The following EGLN1 variants were observed in gnomAD, a reference collection of about 807,000 sequenced individuals.
The protein encoded by EGLN1 is egl nine homolog 1.
Under a neutral mutation model 38.3 loss-of-function variants are expected in EGLN1, and 17 were observed. That is an observed-to-expected ratio of 0.44 (90% CI 0.30 to 0.67). The LOEUF is 0.67. EGLN1 is among the 30% of genes least tolerant of loss of function. The probability of loss-of-function intolerance (pLI) is 0.08; values close to 1 mark genes in which losing one functional copy is unlikely to be tolerated. For missense variants in EGLN1, 477 were observed against 603.3 expected, an observed-to-expected ratio of 0.79 and a Z score of 2.19; for synonymous variants, 283 against 257.5, an observed-to-expected ratio of 1.10 and a Z score of -0.95.
intron 1 of EGLN1, among the ~76,000 whole-genome samples, chr1:231,402,695 A>G (rs928613908): frequency 1.3e-5 from 2 of 152,074 alleles, no homozygotes; most frequent in Admixed American, 1.3e-4. Context: ...TCGGCCTCCC[A>G]AAGTTCTGGG....
intron 1 of EGLN1, among the ~76,000 whole-genome samples, chr1:231,401,591 T>C (rs951169509): frequency 2.1e-5 from 3 of 142,306 alleles, no homozygotes; most frequent in African/African-American, 2.5e-5. Flanking sequence ...AGCTAAATAA[T>C]TTATGTTACA....
intron 1 of EGLN1, among the ~76,000 whole-genome samples, chr1:231,417,678 A>C (rs1279980182): frequency 6.6e-6 from 1 of 152,244 alleles, no homozygotes; most frequent in Non-Finnish European, 1.5e-5. Context: ...TGGTTGTATC[A>C]GTGGCTACAA....
chr1:231,413,938 A>G (rs1317348193), intron 1 of EGLN1, among the ~76,000 whole-genome samples: 1 of 152,176 alleles, frequency 6.6e-6, no homozygotes, highest in East Asian at 1.9e-4. Context: ...AATGAAACTA[A>G]TTCTGAATTG....
At chr1:231,368,819 T>G (rs1183048895) in intron 3 of EGLN1, among the ~76,000 whole-genome samples, 1 of 152,200 alleles carries the variant, frequency 6.6e-6, no homozygotes, top group East Asian at 1.9e-4. Flanking sequence ...ACCCCACCAC[T>G]GGTGAATCAC....
chr1:231,419,650 A>T (rs1190234007), intron 1 of EGLN1, among the ~76,000 whole-genome samples: 4 of 152,206 alleles, frequency 2.6e-5, no homozygotes, highest in African/African-American at 9.7e-5. Flanking sequence ...TTTTCCTTCC[A>T]GTTTAATATT....
chr1:231,376,171 C>A (rs1687952654), intron 1 of EGLN1, among the ~76,000 whole-genome samples: 1 of 152,206 alleles, frequency 6.6e-6, no homozygotes, highest in South Asian at 2.1e-4. Context: ...ATTTCAGTTA[C>A]CTTTGGTCAA....
chr1:231,382,903 C>A (rs1162242545), intron 1 of EGLN1, among the ~76,000 whole-genome samples: 7 of 151,632 alleles, frequency 4.6e-5, no homozygotes, highest in Non-Finnish European at 8.8e-5. Context: ...ACTAAAAATA[C>A]AAAAATCACC....
intron 1 of EGLN1, among the ~76,000 whole-genome samples, chr1:231,384,966 G>C (rs902978580): frequency 2.6e-5 from 4 of 152,276 alleles, no homozygotes; most frequent in African/African-American, 9.6e-5. Flanking sequence ...TAGACTGAAG[G>C]CTGGCAAGAG....
intron 1 of EGLN1, among the ~76,000 whole-genome samples, chr1:231,407,325 T>TTAA (rs1688825258): frequency 6.6e-6 from 1 of 152,206 alleles, no homozygotes; most frequent in South Asian, 2.1e-4. Flanking sequence ...ATTTCTCAAC[T>TTAA]TAATTAACTC....
intron 1 of EGLN1, among the ~76,000 whole-genome samples, chr1:231,400,828 T>C (rs952836950): frequency 4.6e-5 from 7 of 152,126 alleles, no homozygotes; most frequent in Admixed American, 1.3e-4. Context: ...GGCGGGTAGA[T>C]TGCTTGAGGT....
intron 1 of EGLN1, among the ~76,000 whole-genome samples, chr1:231,401,525 A>C (rs1012850791): frequency 2.6e-4 from 40 of 152,214 alleles, no homozygotes; most frequent in African/African-American, 9.6e-4. Context: ...CATTGTTGGC[A>C]TCAGATTATT....
At position 231,363,902 on chromosome 1, in the gene EGLN1, A is replaced by G. The variant is rs188644101; in HGVS notation, c.*2509T>C. 4.6e-5 allele frequency: 7 copies of G among 152,336 alleles called. No individual in the cohort carries two copies. The East Asian group carries it at 1.3e-3, about 29-fold the overall frequency. 9.4% of individuals were successfully genotyped at this position (152,336 alleles called of 1,614,324 possible). A position where few individuals can be genotyped will look rare whatever the true frequency, so the allele number is the denominator to read the frequency against. ...CTGAAAATCTTTGCCTACTCTTGAT[A>G]AAGGTCTGTGTTTTACAGCTGGTTA... On this transcript the variant is annotated 3_prime_UTR_variant, in exon 5 of 5. Transcript: ENST00000366641.
intron 1 of EGLN1, among the ~76,000 whole-genome samples, chr1:231,401,992 T>C (rs2808603): frequency 0.54 from 82,394 of 151,632 alleles, 23,994 homozygotes; most frequent in Non-Finnish European, 0.65. Flanking sequence ...TCAATATATT[T>C]AATTTTAGCC....
At chr1:231,413,031 A>G (rs958504503) in intron 1 of EGLN1, among the ~76,000 whole-genome samples, 2 of 151,968 alleles carry the variant, frequency 1.3e-5, no homozygotes, top group African/African-American at 4.8e-5. Context: ...CATCAATCAC[A>G]TATCCTTTAC....
At chr1:231,376,381 C>T (rs2491404) in intron 1 of EGLN1, among the ~76,000 whole-genome samples, 82,962 of 151,994 alleles carry the variant, frequency 0.55, 24,250 homozygotes, top group Non-Finnish European at 0.65. Context: ...TCAGAGCAAT[C>T]GTCGTGGTAC....
chr1:231,419,739 T>C (rs1461910727), intron 1 of EGLN1, among the ~76,000 whole-genome samples: 1 of 152,190 alleles, frequency 6.6e-6, no homozygotes, highest in Non-Finnish European at 1.5e-5. Context: ...ATAGGTAAAT[T>C]AGACTCCACA....
At chr1:231,417,649 G>GA (rs1689119657) in intron 1 of EGLN1, among the ~76,000 whole-genome samples, 1 of 152,170 alleles carries the variant, frequency 6.6e-6, no homozygotes, top group Non-Finnish European at 1.5e-5. Flanking sequence ...AAAGACCAGA[G>GA]AAAGTGGAAA....
intron 1 of EGLN1, among the ~76,000 whole-genome samples, chr1:231,395,121 T>A (rs1364511739): frequency 2.6e-5 from 4 of 152,212 alleles, no homozygotes; most frequent in African/African-American, 9.6e-5. Flanking sequence ...CTCAGAGATC[T>A]TTTACTCTAA....
chr1:231,409,245 AAAAAAAAAAAAC>A (rs1688869462), intron 1 of EGLN1, among the ~76,000 whole-genome samples: 1 of 142,062 alleles, frequency 7.0e-6, no homozygotes, highest in Non-Finnish European at 1.5e-5. Context: ...ATTTCTTAAA[AAAAAAAAAAAAC>A]AAAAAAAAAC....
Sources: allele counts gnomAD v4.1 joint callset (sites outside exome capture counted in the v4.1 genomes callset), GRCh38; gene constraint gnomAD v4.1.1; transcripts MANE v1.5; gene names NCBI Gene and HGNC (gene_info 2026-07-23, HGNC 2026-07-21).